Variants in CORO2B observed in about 807,000 individuals in gnomAD.
CORO2B encodes coronin 2B.
In CORO2B, 26 loss-of-function variants were observed where a neutral mutation model predicts 58.8. The ratio of observed to expected loss-of-function variants is 0.44; its 90% CI spans 0.32 to 0.61. CORO2B has a LOEUF of 0.61. Ranked by LOEUF, CORO2B falls within the 20% of genes least tolerant of loss-of-function variation. The pLI, the probability that CORO2B is intolerant of heterozygous loss-of-function variation, is 0.04. For synonymous variants in CORO2B, 242 were observed against 253.8 expected, an observed-to-expected ratio of 0.95 and a Z score of 0.44; for missense variants, 460 against 645.1, an observed-to-expected ratio of 0.71 and a Z score of 3.11.
At chr15:68,657,561 A>G in intron 2 of CORO2B, among the ~76,000 whole-genome samples, 1 of 151,876 alleles carries the variant, frequency 6.6e-6, no homozygotes, top group East Asian at 1.9e-4. Context: ...CAAAATGTAT[A>G]CCAGAATTGT....
chr15:68,725,547 G>T (rs1450873043), intron 11 of CORO2B, among the ~76,000 whole-genome samples: 2 of 152,020 alleles, frequency 1.3e-5, no homozygotes, highest in Non-Finnish European at 1.5e-5. Flanking sequence ...AAAGGGACAA[G>T]CTTGGGATAT....
chr15:68,577,107 C>T (rs1482086822), upstream of CORO2B, among the ~76,000 whole-genome samples: 1 of 152,100 alleles, frequency 6.6e-6, no homozygotes, highest in Non-Finnish European at 1.5e-5. Context: ...GAGGAGACGC[C>T]TGAGGTCTGC....
At chr15:68,674,793 A>G (rs1902521435) in intron 2 of CORO2B, among the ~76,000 whole-genome samples, 1 of 152,114 alleles carries the variant, frequency 6.6e-6, no homozygotes, top group Admixed American at 6.5e-5. Context: ...CAGCCTTTCC[A>G]CCAGTGCCCT....
At chr15:68,575,086 A>C (rs1211271421), upstream of CORO2B, among the ~76,000 whole-genome samples, 2 of 152,192 alleles carry the variant, frequency 1.3e-5, no homozygotes, top group Admixed American at 1.3e-4. Context: ...CACCTCCATA[A>C]GAACCAGGGA....
At chr15:68,580,559 G>A (rs887260196) in intron 1 of CORO2B, among the ~76,000 whole-genome samples, 1 of 152,204 alleles carries the variant, frequency 6.6e-6, no homozygotes, top group Non-Finnish European at 1.5e-5. Flanking sequence ...CTGGTTCTGG[G>A]ACTTGGGAGC....
intron 2 of CORO2B, among the ~76,000 whole-genome samples, chr15:68,662,112 GCTTCCTGGT>G (rs1407180226): frequency 1.3e-5 from 2 of 152,276 alleles, no homozygotes; most frequent in East Asian, 3.9e-4. Flanking sequence ...CTCATCTGCT[GCTTCCTGGT>G]TGGCAGAAGC....
At chr15:68,626,392 A>G (rs1187383547) in intron 1 of CORO2B, among the ~76,000 whole-genome samples, 1 of 151,696 alleles carries the variant, frequency 6.6e-6, no homozygotes, top group Non-Finnish European at 1.5e-5. Flanking sequence ...CAACTAATTT[A>G]GAACATGCTT....
At chr15:68,625,118 A>G (rs1422746375) in intron 1 of CORO2B, among the ~76,000 whole-genome samples, 1 of 152,050 alleles carries the variant, frequency 6.6e-6, no homozygotes, top group African/African-American at 2.4e-5. Context: ...CCTCCTTGCA[A>G]TGGGCGGTCC....
intron 8 of CORO2B, 89 bp from the exon 9 acceptor site, chr15:68,718,609 G>T (rs1287116513): frequency 1.7e-6 from 2 of 1,160,522 alleles, no homozygotes. Context: ...ACATTCCTCA[G>T]CCTTTCCCCT....
intron 2 of CORO2B, among the ~76,000 whole-genome samples, chr15:68,646,062 C>G (rs1665076015): frequency 6.6e-6 from 1 of 152,134 alleles, no homozygotes; most frequent in South Asian, 2.1e-4. Context: ...GCATGAGCCA[C>G]TGCACCTGGC....
At chr15:68,534,118 C>T in the CORO2B span, among the ~76,000 whole-genome samples, 1 of 152,232 alleles carries the variant, frequency 6.6e-6, no homozygotes, top group Non-Finnish European at 1.5e-5. Context: ...GAAAGGCCTC[C>T]CACCACCTCT....
intron 2 of CORO2B, among the ~76,000 whole-genome samples, chr15:68,653,153 G>A (rs527853724): frequency 4.6e-5 from 7 of 152,038 alleles, no homozygotes; most frequent in Non-Finnish European, 1.0e-4. Flanking sequence ...CTGGAGCAGC[G>A]GTCCAGACAA....
chr15:68,714,793 C>T (rs1892994170), intron 7 of CORO2B, 130 bp downstream of exon 7: 1 of 688,090 alleles, frequency 1.5e-6, no homozygotes, highest in Middle Eastern at 3.2e-4. Flanking sequence ...TCACCTTTCC[C>T]ATCCACACCT....
chr15:68,579,867 G>C (rs918096553), intron 1 of CORO2B, among the ~76,000 whole-genome samples: 4 of 152,268 alleles, frequency 2.6e-5, no homozygotes, highest in African/African-American at 4.8e-5. Context: ...GAATGTGACA[G>C]GGGAAGCAAA....
chr15:68,518,465 C>T, the CORO2B span, among the ~76,000 whole-genome samples: 1 of 152,166 alleles, frequency 6.6e-6, no homozygotes, highest in African/African-American at 2.4e-5. Flanking sequence ...ACTCCCACCC[C>T]ATTTTCTGTT....
At chr15:68,640,923 C>T (rs531261821) in intron 1 of CORO2B, among the ~76,000 whole-genome samples, 13 of 152,262 alleles carry the variant, frequency 8.5e-5, no homozygotes, top group African/African-American at 2.2e-4. Flanking sequence ...GAATGGGGAG[C>T]GGAGCCAGGA....
chr15:68,686,170 G>A (rs1482481355), intron 2 of CORO2B, among the ~76,000 whole-genome samples: 2 of 151,890 alleles, frequency 1.3e-5, no homozygotes, highest in South Asian at 4.2e-4. Flanking sequence ...CCGAGTAGCT[G>A]GGATTATAGG....
At chr15:68,624,895 C>T (rs1307244308) in intron 1 of CORO2B, among the ~76,000 whole-genome samples, 3 of 152,170 alleles carry the variant, frequency 2.0e-5, no homozygotes, top group Non-Finnish European at 4.4e-5. Flanking sequence ...GTTGGCCAGG[C>T]TGGTCTCGAA....
chr15:68,616,701 C>T (rs940830666), intron 1 of CORO2B: 49 of 841,058 alleles, frequency 5.8e-5, no homozygotes, highest in South Asian at 5.4e-4. Context: ...CGAGGGCTAG[C>T]GTTATCAAGG....
Sources: gnomAD v4.1 joint callset for allele counts (sites outside exome capture counted in the v4.1 genomes callset) on GRCh38, gnomAD v4.1.1 for gene constraint, MANE v1.5 for transcripts, NCBI Gene and HGNC (gene_info 2026-07-23, HGNC 2026-07-21) for gene names.